The following VPS13B variants were observed in gnomAD, a reference collection of about 807,000 sequenced individuals.
VPS13B encodes the protein vacuolar protein sorting 13 homolog B, also known as intermembrane lipid transfer protein VPS13B.
In VPS13B, 285 loss-of-function variants were observed where a neutral mutation model predicts 426.4. The observed-to-expected ratio is 0.67, with a 90% CI of 0.61 to 0.74. The LOEUF (loss-of-function observed/expected upper bound fraction) is 0.74, where lower values mean the gene tolerates loss of function less well. Ranked by LOEUF, VPS13B falls within the 30% of genes least tolerant of loss-of-function variation. The pLI is 0.00. For synonymous variants in VPS13B, 1,676 were observed against 1,676.4 expected (o/e 1.00, Z 0.01); for missense variants, 4,537 against 4,782.6 (o/e 0.95, Z 1.51).
intron 29 of VPS13B, among the ~76,000 whole-genome samples, chr8:99,512,873 G>T (rs1384132724): frequency 6.6e-6 from 1 of 152,094 alleles, no homozygotes; most frequent in African/African-American, 2.4e-5. Flanking sequence ...GCCAGGCGTG[G>T]TGGCACGTGC....
chr8:99,345,327 A>G (rs1811480697), intron 19 of VPS13B, among the ~76,000 whole-genome samples: 1 of 152,076 alleles, frequency 6.6e-6, no homozygotes, highest in African/African-American at 2.4e-5. Flanking sequence ...TTCTTTTTCA[A>G]AATCAGGGGC....
chr8:99,714,156 AAGAC>A (rs1832820095), intron 36 of VPS13B, among the ~76,000 whole-genome samples: 1 of 151,836 alleles, frequency 6.6e-6, no homozygotes, highest in East Asian at 1.9e-4. Flanking sequence ...AAAAAAAAAA[AAGAC>A]AGGCATATAC....
At chr8:99,111,891 A>G (rs1333156851) in intron 6 of VPS13B, among the ~76,000 whole-genome samples, 1 of 152,172 alleles carries the variant, frequency 6.6e-6, no homozygotes, top group Admixed American at 6.5e-5. Context: ...CACTGATACC[A>G]TCATCCAGAT....
chr8:99,536,566 G>T (rs1325511158), intron 30 of VPS13B: 1 of 504,652 alleles, frequency 2.0e-6, no homozygotes, highest in African/African-American at 1.9e-5. Flanking sequence ...ACAACATAGA[G>T]TGCATAGCTT....
intron 35 of VPS13B, among the ~76,000 whole-genome samples, chr8:99,687,860 A>G (rs1361677706): frequency 1.3e-5 from 2 of 150,926 alleles, no homozygotes; most frequent in African/African-American, 4.9e-5. Flanking sequence ...ATAATTGTTC[A>G]TTTTGGTGTT....
At chr8:99,544,155 C>T (rs955688540) in intron 30 of VPS13B, among the ~76,000 whole-genome samples, 1 of 151,982 alleles carries the variant, frequency 6.6e-6, no homozygotes, top group Non-Finnish European at 1.5e-5. Context: ...GAGTTCACGT[C>T]CTTTGTAGGG....
At chr8:99,238,697 C>A (rs1180204038) in intron 17 of VPS13B, among the ~76,000 whole-genome samples, 2 of 152,010 alleles carry the variant, frequency 1.3e-5, no homozygotes, top group Non-Finnish European at 2.9e-5. Context: ...TTTTTAAGCA[C>A]TAAGAGAAAA....
At chr8:99,395,548 C>T (rs1814686820) in intron 21 of VPS13B, among the ~76,000 whole-genome samples, 1 of 152,096 alleles carries the variant, frequency 6.6e-6, no homozygotes, top group African/African-American at 2.4e-5. Context: ...CCTAGACTCA[C>T]CTTAAACAAG....
At chr8:99,379,340 C>CA (rs1454422498) in intron 19 of VPS13B, among the ~76,000 whole-genome samples, 1 of 152,092 alleles carries the variant, frequency 6.6e-6, no homozygotes, top group African/African-American at 2.4e-5. Context: ...ATCCCAGTTA[C>CA]ATTTTTTTTT....
chr8:99,521,052 TCC>T, intron 30 of VPS13B, 42 bp downstream of exon 30: 1 of 1,495,166 alleles, frequency 6.7e-7, no homozygotes, highest in African/African-American at 1.4e-5. Context: ...ACAATTTTCA[TCC>T]TGCAAACACA....
intron 3 of VPS13B, among the ~76,000 whole-genome samples, chr8:99,049,841 T>G (rs1843432405): frequency 6.6e-6 from 1 of 151,876 alleles, no homozygotes; most frequent in African/African-American, 2.4e-5. Flanking sequence ...AATCCCAGAC[T>G]TCTTGGAGGC....
At chr8:99,323,736 C>CCCCAATAAGTG (rs1810102018) in intron 19 of VPS13B, among the ~76,000 whole-genome samples, 1 of 152,164 alleles carries the variant, frequency 6.6e-6, no homozygotes, top group African/African-American at 2.4e-5. Context: ...GTGCTGTATT[C>CCCCAATAAGTG]CTCTTCCCCA....
chr8:99,216,672 A>G (rs1588147806), intron 17 of VPS13B, among the ~76,000 whole-genome samples: 1 of 151,554 alleles, frequency 6.6e-6, no homozygotes, highest in East Asian at 1.9e-4. Flanking sequence ...GCTATTGGAT[A>G]CTTACATGTG....
Position 99,013,302 on chromosome 8 carries a change from G to A in VPS13B, c.-75G>A. 2 of 240,468 alleles carry A rather than the reference G, an allele frequency of 8.3e-6. No homozygotes were observed. The highest frequency in any genetic ancestry group is 5.3e-5 in the South Asian group (1 of 18,860). 14.9% of individuals were successfully genotyped at this position (240,468 alleles called of 1,614,324 possible). On this transcript the variant is annotated 5_prime_UTR_variant, in exon 1 of 62. It adds an upstream start codon to the 5' untranslated region. Coordinates refer to ENST00000357162, the MANE Select transcript of VPS13B (RefSeq NM_152564.5). The stretch of plus-strand genomic sequence containing the variant: ...GGAGCAGCACTGCCGGCGGGGGCGG[G>A]TGCCAGGGACTTGGAGGTGGAGGGG...
intron 17 of VPS13B, among the ~76,000 whole-genome samples, chr8:99,247,843 A>T (rs1423242628): frequency 6.6e-6 from 1 of 152,232 alleles, no homozygotes; most frequent in African/African-American, 2.4e-5. Flanking sequence ...GAAAAAAATA[A>T]GGCAATCAGG....
At chr8:99,550,772 T>A (rs1824241846) in intron 30 of VPS13B, among the ~76,000 whole-genome samples, 1 of 152,096 alleles carries the variant, frequency 6.6e-6, no homozygotes. Flanking sequence ...TAACTTTTAT[T>A]ATGATTTTTT....
rs569312538 is a variant in VPS13B, at chr8:99,156,295, GA to G, written c.2014-247del. On this transcript the variant is annotated intron_variant, in intron 14 of 61. Transcript: ENST00000357162. Reference sequence around the variant, plus strand: ...GATACTATTCCAGTTGATTGAAAAAGAAAAAAAGCTTGAGCTGAAAGGGCAA... The same window carrying G: ...GATACTATTCCAGTTGATTGAAAAAGAAAAAAGCTTGAGCTGAAAGGGCAA... Among the ~76,000 whole-genome samples, 119 of 152,108 alleles carry G rather than the reference GA, an allele frequency of 7.8e-4. 2 individuals are homozygous for G. The South Asian group carries it at 0.023, about 30-fold the overall frequency.
intron 2 of VPS13B, among the ~76,000 whole-genome samples, chr8:99,029,728 ACAGTC>A (rs1359198688): frequency 6.6e-6 from 1 of 151,278 alleles, no homozygotes; most frequent in African/African-American, 2.4e-5. Flanking sequence ...TGGCAGCAGT[ACAGTC>A]CAGCTTTGGC....
At chr8:99,326,226 C>T (rs1242285414) in intron 19 of VPS13B, among the ~76,000 whole-genome samples, 1 of 151,856 alleles carries the variant, frequency 6.6e-6, no homozygotes, top group Non-Finnish European at 1.5e-5. Flanking sequence ...AAAAAACAGG[C>T]ATGTGCGACA....
Sources: allele counts gnomAD v4.1 joint callset (sites outside exome capture counted in the v4.1 genomes callset), GRCh38; gene constraint gnomAD v4.1.1; transcripts MANE v1.5; gene names NCBI Gene and HGNC (gene_info 2026-07-23, HGNC 2026-07-21).